The following DOCK3 variants were observed in gnomAD, a reference collection of about 807,000 sequenced individuals.
DOCK3 encodes the protein dedicator of cytokinesis protein 3.
DOCK3 carries 60 observed loss-of-function variants against 265.6 expected under a neutral mutation model. The ratio of observed to expected loss-of-function variants is 0.23; its 90% CI spans 0.18 to 0.28. The LOEUF is 0.28. Among genes scored for constraint, DOCK3 ranks in the 10% least tolerant of loss-of-function variants. The pLI is 1.00. For missense variants in DOCK3, 1,981 were observed against 2,594.3 expected, an observed-to-expected ratio of 0.76 and a Z score of 5.14; for synonymous variants, 881 against 938.0, an observed-to-expected ratio of 0.94 and a Z score of 1.11.
intron 22 of DOCK3, among the ~76,000 whole-genome samples, chr3:51,251,136 T>G (rs1000402637): frequency 6.6e-6 from 1 of 152,210 alleles, no homozygotes; most frequent in Non-Finnish European, 1.5e-5. Context: ...TTTCTGTCCT[T>G]GCGATAGTTT....
At chr3:50,755,030 T>A (rs2040075023) in intron 1 of DOCK3, among the ~76,000 whole-genome samples, 1 of 152,186 alleles carries the variant, frequency 6.6e-6, no homozygotes, top group Non-Finnish European at 1.5e-5. Context: ...TCCAAAACCA[T>A]TTAGTATTTG....
At chr3:51,088,220 A>G (rs143235666) in intron 7 of DOCK3, among the ~76,000 whole-genome samples, 1 of 152,302 alleles carries the variant, frequency 6.6e-6, no homozygotes, top group Non-Finnish European at 1.5e-5. Context: ...AAAAATGTGC[A>G]TCTCTTGGAG....
At chr3:51,342,476 G>A (rs1478653762) in intron 38 of DOCK3, among the ~76,000 whole-genome samples, 10 of 152,194 alleles carry the variant, frequency 6.6e-5, no homozygotes, top group Non-Finnish European at 1.3e-4. Flanking sequence ...TGCAGTTTTA[G>A]GCCTATTTTC....
At chr3:51,360,405 T>C in intron 46 of DOCK3, 106 bp from the exon 47 acceptor site, 1 of 1,423,886 alleles carries the variant, frequency 7.0e-7, no homozygotes, top group African/African-American at 1.4e-5. Flanking sequence ...ATATGATTCT[T>C]TTTTGTTTCT....
At chr3:51,284,723 C>G (rs1200149462) in intron 27 of DOCK3, among the ~76,000 whole-genome samples, 2 of 152,156 alleles carry the variant, frequency 1.3e-5, no homozygotes, top group Non-Finnish European at 2.9e-5. Flanking sequence ...CTTCATGAGC[C>G]TTTCCTTTGG....
chr3:51,089,116 A>G, intron 7 of DOCK3, 127 bp from the exon 8 acceptor site: 6 of 985,196 alleles, frequency 6.1e-6, no homozygotes, highest in Non-Finnish European at 9.0e-6. Flanking sequence ...TTATTTTACA[A>G]AGTTATCAGA....
At chr3:50,906,073 T>C (rs1330201847) in intron 4 of DOCK3, among the ~76,000 whole-genome samples, 1 of 152,116 alleles carries the variant, frequency 6.6e-6, no homozygotes, top group African/African-American at 2.4e-5. Flanking sequence ...GTTTATTGAT[T>C]TGCATATGTT....
At chr3:51,274,270 G>T (rs576606429) in intron 24 of DOCK3, among the ~76,000 whole-genome samples, 2 of 152,286 alleles carry the variant, frequency 1.3e-5, no homozygotes, top group South Asian at 2.1e-4. Flanking sequence ...ACAAGCCTGT[G>T]GGGGAAAGGG....
Position 51,170,672 on chromosome 3 carries a change from C to T in DOCK3, c.1037+9970C>T, listed in dbSNP as rs138642945. On this transcript the variant is annotated intron_variant, in intron 12 of 52. Transcript: ENST00000266037. ...CAACTAAAGATTTGTCAGCCGGGCG[C>T]GGTGGCTCACGCCTGTAATCCCAGC... Among the ~76,000 whole-genome samples, 709 of 152,164 alleles carry T rather than the reference C, an allele frequency of 4.7e-3. 4 individuals are homozygous for T. Among genetic ancestry groups the T allele is most frequent in the African/African-American group, 0.014 (589 of 41,510 alleles).
intron 2 of DOCK3, chr3:50,786,874 C>G: frequency 1.4e-6 from 1 of 740,182 alleles, no homozygotes; most frequent in Admixed American, 1.7e-5. Context: ...TGAAGGACTT[C>G]TCTCCAGAAT....
chr3:51,182,132 C>T (rs1422951451), intron 12 of DOCK3, among the ~76,000 whole-genome samples: 1 of 152,102 alleles, frequency 6.6e-6, no homozygotes, highest in Non-Finnish European at 1.5e-5. Flanking sequence ...CCCAGTAGAG[C>T]TAGCATAGTT....
chr3:51,312,204 A>T, intron 29 of DOCK3, 125 bp downstream of exon 29: 5 of 893,392 alleles, frequency 5.6e-6, no homozygotes, highest in Non-Finnish European at 8.7e-6. Flanking sequence ...CCTGATGATG[A>T]TTAGAATATG....
In DOCK3 at chr3:51,354,890, A is replaced by G. The variant is rs2086259154; in HGVS notation, c.4116A>G (p.Glu1372=). The stretch of plus-strand genomic sequence containing the variant: ...TCTTCTGTTTGTGGCAGAACAAAGA[A>G]TACGTGTGCCGTGGCCATGACTACG... ...RKFPFFLRNK[E]YVCRGHDYER... is the part of the protein sequence containing the mutation. The change falls in exon 41 of 53, where the codon GAA becomes GAG. Residue 1372 remains glutamate (E), a synonymous_variant. Coordinates refer to ENST00000266037, the MANE Select transcript of DOCK3 (RefSeq NM_004947.5). 1.9e-6 allele frequency: 3 copies of G among 1,613,714 alleles called. No individual in the cohort carries two copies. Among genetic ancestry groups the G allele is most frequent in the Non-Finnish European group, 2.5e-6 (3 of 1,179,786 alleles).
intron 1 of DOCK3, among the ~76,000 whole-genome samples, chr3:50,711,158 G>T (rs910696162): frequency 1.1e-4 from 17 of 151,708 alleles, no homozygotes; most frequent in Admixed American, 1.1e-3. Context: ...GATTACTATG[G>T]TTTTTGTCCT....
At chr3:51,010,140 G>A (rs2078882963) in intron 5 of DOCK3, among the ~76,000 whole-genome samples, 1 of 152,150 alleles carries the variant, frequency 6.6e-6, no homozygotes, top group Non-Finnish European at 1.5e-5. Context: ...TGGTCCACTT[G>A]GTGCAGAGCT....
chr3:50,929,634 TTTG>T (rs780143674), intron 4 of DOCK3, among the ~76,000 whole-genome samples: 4 of 152,188 alleles, frequency 2.6e-5, no homozygotes, highest in East Asian at 1.9e-4. Context: ...CTGCTGTGTT[TTTG>T]TTGTTGTTGT....
At chr3:51,278,883 T>G (rs1215534390) in intron 26 of DOCK3, among the ~76,000 whole-genome samples, 1 of 152,222 alleles carries the variant, frequency 6.6e-6, no homozygotes, top group Non-Finnish European at 1.5e-5. Context: ...ACGAATTACC[T>G]ATAGCTTATT....
chr3:51,069,045 A>T (rs1018373308), intron 6 of DOCK3, among the ~76,000 whole-genome samples: 2 of 152,214 alleles, frequency 1.3e-5, no homozygotes, highest in Admixed American at 6.5e-5. Context: ...ATGTGACTTA[A>T]AATTATTGGC....
chr3:51,201,793 G>T (rs2088792304), intron 12 of DOCK3, among the ~76,000 whole-genome samples: 1 of 152,094 alleles, frequency 6.6e-6, no homozygotes, highest in Non-Finnish European at 1.5e-5. Context: ...CTCAGCAAAT[G>T]TAAAAGAACA....
Sources: allele counts gnomAD v4.1 joint callset (sites outside exome capture counted in the v4.1 genomes callset), GRCh38; gene constraint gnomAD v4.1.1; transcripts MANE v1.5; gene names NCBI Gene and HGNC (gene_info 2026-07-23, HGNC 2026-07-21).